CPM: variants seen among roughly 807,000 people sequenced by gnomAD.
CPM encodes carboxypeptidase M.
A neutral mutation model predicts 46.4 loss-of-function variants in CPM; 35 were observed. That is an observed-to-expected ratio of 0.75 (90% CI 0.58 to 1.00). The LOEUF (loss-of-function observed/expected upper bound fraction) is 1.00. Ranked by LOEUF, CPM falls within the 50% of genes least tolerant of loss-of-function variation. CPM has a pLI of 0.00. For missense variants in CPM, 422 were observed against 530.4 expected (o/e 0.80, Z 2.01); for synonymous variants, 195 against 195.3 (o/e 1.00, Z 0.01).
chr12:68,906,403 C>T (rs773868101), intron 2 of CPM, among the ~76,000 whole-genome samples: 3 of 152,114 alleles, frequency 2.0e-5, no homozygotes, highest in Admixed American at 6.5e-5. Context: ...TAACAATATA[C>T]ATAGAATACT....
At chr12:68,846,848 A>G (rs1884329652), downstream of CPM, 1 of 152,118 alleles carries the variant, frequency 6.6e-6, no homozygotes, top group Non-Finnish European at 1.5e-5. Context: ...AAATCTATAG[A>G]GCCTAGTATG....
At chr12:68,844,800 T>C (rs1437468679) in intron 5 of CPM, 5 of 201,230 alleles carry the variant, frequency 2.5e-5, no homozygotes, top group African/African-American at 4.6e-5. Context: ...GGAGTCTTGC[T>C]CTGTGGCTCA....
chr12:68,893,861 C>T (rs1162523766), intron 2 of CPM, among the ~76,000 whole-genome samples: 1 of 152,152 alleles, frequency 6.6e-6, no homozygotes, highest in Non-Finnish European at 1.5e-5. Context: ...AGGGGTTCTG[C>T]GTGGATCTGG....
At chr12:68,942,116 T>C (rs1384028267) in intron 1 of CPM, among the ~76,000 whole-genome samples, 3 of 152,230 alleles carry the variant, frequency 2.0e-5, no homozygotes, top group Non-Finnish European at 4.4e-5. Flanking sequence ...ATTGTTCCTT[T>C]ATTTTTTTAT....
intron 3 of CPM, among the ~76,000 whole-genome samples, chr12:68,875,558 CA>C (rs1411131350): frequency 6.6e-6 from 1 of 152,032 alleles, no homozygotes; most frequent in Non-Finnish European, 1.5e-5. Context: ...ATAATCCCAG[CA>C]CTTTGGAAGG....
chr12:68,850,268 A>T (rs559961699), downstream of CPM: 1 of 149,926 alleles, frequency 6.7e-6, no homozygotes, highest in Non-Finnish European at 1.5e-5. Context: ...CCTGGGTGAC[A>T]GAGCGAGACT....
chr12:68,842,529 A>G (rs1193758472), intron 5 of CPM: 6 of 360,458 alleles, frequency 1.7e-5, no homozygotes, highest in African/African-American at 7.0e-5. Flanking sequence ...ATTGCTGTCT[A>G]CAAAACAGAT....
upstream of CPM, among the ~76,000 whole-genome samples, chr12:68,935,964 T>C (rs1199488499): frequency 6.6e-6 from 1 of 152,170 alleles, no homozygotes; most frequent in Non-Finnish European, 1.5e-5. Context: ...ATTGCCAGGA[T>C]TGTTGTTCTG....
chr12:68,945,329 G>C (rs1302539416), intron 1 of CPM, among the ~76,000 whole-genome samples: 1 of 152,200 alleles, frequency 6.6e-6, no homozygotes, highest in East Asian at 1.9e-4. Context: ...AGCAAAGACA[G>C]CCAGCCTGTG....
chr12:68,853,890 C>CTTT lies in CPM; in HGVS notation c.*2546_*2547insAAA, dbSNP rs1565761329. 9.2e-5 allele frequency: 14 copies of CTTT among 151,388 alleles called. No homozygotes were observed. The highest frequency in any genetic ancestry group is 1.2e-4 in the Non-Finnish European group (8 of 67,816). 9.4% of individuals were successfully genotyped at this position (151,388 alleles called of 1,614,324 possible). On this transcript the variant is annotated 3_prime_UTR_variant, in exon 9 of 9. Coordinates refer to ENST00000551568, the MANE Select transcript of CPM (RefSeq NM_198320.5). ...GAAAGAAATCTGCTCACCAGAGTTG[C>CTTT]TATTTTTTTTTTCTTTTCTGTTTAG...
intron 2 of CPM, among the ~76,000 whole-genome samples, chr12:68,926,252 C>A (rs903793505): frequency 3.3e-5 from 5 of 152,234 alleles, no homozygotes; most frequent in African/African-American, 1.2e-4. Flanking sequence ...TCTTATTTAA[C>A]ATATCTAAAA....
rs1884851435 is a variant in CPM at position 68,854,024 on chromosome 12, T to G, written c.*2413A>C. ...AAATTGAGTCCTAATGGTAAAATTT[T>G]TTTCTGATAAAAAAAGGTACTTTGT... On this transcript the variant is annotated 3_prime_UTR_variant, in exon 9 of 9. Coordinates refer to ENST00000551568, the MANE Select transcript of CPM (RefSeq NM_198320.5). 6.6e-6 allele frequency: 1 copy of G among 151,942 alleles called. No individual in the cohort carries two copies. Among genetic ancestry groups the G allele is most frequent in the South Asian group, 2.1e-4 (1 of 4,828 alleles). 9.4% of individuals were successfully genotyped at this position (151,942 alleles called of 1,614,324 possible).
intron 1 of CPM, among the ~76,000 whole-genome samples, chr12:68,948,835 G>A (rs1888889521): frequency 2.6e-5 from 4 of 152,184 alleles, no homozygotes; most frequent in African/African-American, 9.7e-5. Flanking sequence ...ACACAACCCA[G>A]TAAGCATGCC....
chr12:68,844,125 G>T (rs1884057878), intron 5 of CPM: 1 of 207,522 alleles, frequency 4.8e-6, no homozygotes, highest in Admixed American at 6.0e-5. Context: ...TATTAAAATT[G>T]TCTGATTTCT....
rs1223247887 is a variant in CPM, at chr12:68,919,663, G to T, written c.160+13015C>A. On this transcript the variant is annotated intron_variant, in intron 2 of 8. Coordinates refer to ENST00000551568, the MANE Select transcript of CPM (RefSeq NM_198320.5). Reference sequence around the variant, plus strand: ...AAAGATGGCCAAGTCCAACTAAAAAGTTCGTCAAGGCTAGAATGTGACATT... The same window carrying T: ...AAAGATGGCCAAGTCCAACTAAAAATTTCGTCAAGGCTAGAATGTGACATT... Among the ~76,000 whole-genome samples, 7 of 152,178 alleles carry T rather than the reference G, an allele frequency of 4.6e-5. No homozygotes were observed. In the East Asian group the frequency reaches 1.3e-3, roughly 29 times the overall value.
intron 2 of CPM, among the ~76,000 whole-genome samples, chr12:68,905,256 G>A (rs1887295464): frequency 6.6e-6 from 1 of 151,860 alleles, no homozygotes; most frequent in Admixed American, 6.6e-5. Context: ...CGCATGAGAA[G>A]GATTCAGAGA....
At chr12:68,865,017 A>G (rs1000874352) in intron 7 of CPM, among the ~76,000 whole-genome samples, 1 of 152,166 alleles carries the variant, frequency 6.6e-6, no homozygotes, top group Admixed American at 6.5e-5. Flanking sequence ...CCTGTCTCTA[A>G]AATGATGATA....
rs539259654 is a variant in CPM, at chr12:68,871,926, T to C, written c.289A>G (p.Ile97Val). Residue 97 changes from isoleucine (I) to valine (V), a missense_variant, in exon 4 of 9, where the codon ATT becomes GTT. Ile to Val is a conservative substitution (Grantham distance 29). Coordinates refer to ENST00000551568, the MANE Select transcript of CPM (RefSeq NM_198320.5). ...TVGRELLLHL[I>V]DYLVTSDGKD... ...CCATCACTGGTTACGAGATAGTCAA[T>C]CAGATGGAGCAGCAGCTCCCGCCCA... The C allele has an allele frequency of 5.6e-6, 9 of 1,614,044 alleles. 1 individual carries two copies. In the South Asian group the frequency reaches 8.8e-5, roughly 16 times the overall value.
intron 5 of CPM, chr12:68,843,247 C>T (rs1883955617): frequency 4.4e-6 from 1 of 225,846 alleles, no homozygotes; most frequent in East Asian, 6.4e-5. Flanking sequence ...CCAAATAATG[C>T]TTTGAGGACC....
Sources: gnomAD v4.1 joint callset for allele counts (sites outside exome capture counted in the v4.1 genomes callset) on GRCh38, gnomAD v4.1.1 for gene constraint, MANE v1.5 for transcripts, NCBI Gene and HGNC (gene_info 2026-07-23, HGNC 2026-07-21) for gene names.